The following CFAP299 variants were observed in gnomAD, a reference collection of about 807,000 sequenced individuals.
CFAP299 encodes the protein cilia and flagella associated protein 299.
CFAP299 carries 21 observed loss-of-function variants against 27.0 expected under a neutral mutation model. That is an observed-to-expected ratio of 0.78 (90% confidence interval 0.55 to 1.12). CFAP299 has a LOEUF of 1.12. CFAP299 is among the 50% of genes most tolerant of loss of function. The probability of loss-of-function intolerance (pLI) is 0.00; values close to 1 mark genes in which losing one functional copy is unlikely to be tolerated. For synonymous variants in CFAP299, 104 were observed against 98.1 expected, an observed-to-expected ratio of 1.06 and a Z score of -0.36; for missense variants, 310 against 276.6, an observed-to-expected ratio of 1.12 and a Z score of -0.86.
intron 3 of CFAP299, among the ~76,000 whole-genome samples, chr4:80,684,437 G>A (rs1720049633): frequency 6.6e-6 from 1 of 151,942 alleles, no homozygotes; most frequent in African/African-American, 2.4e-5. Context: ...CTAATTTTTT[G>A]TATTTTTTTA....
chr4:80,483,220 G>A (rs1027396), intron 2 of CFAP299, among the ~76,000 whole-genome samples: 5,438 of 152,202 alleles, frequency 0.036, 168 homozygotes, highest in African/African-American at 0.075. Flanking sequence ...CACATGCCAC[G>A]GAATGCTGGT....
At chr4:80,387,737 A>G (rs1725094641) in intron 2 of CFAP299, 1 of 1,585,544 alleles carries the variant, frequency 6.3e-7, no homozygotes, top group Admixed American at 1.7e-5. Context: ...GTGTGGCTTC[A>G]GATGTGCTGC....
chr4:80,928,134 C>T (rs1335829439), intron 4 of CFAP299, among the ~76,000 whole-genome samples: 1 of 152,118 alleles, frequency 6.6e-6, no homozygotes, highest in African/African-American at 2.4e-5. Flanking sequence ...TCTGTTTCTT[C>T]ATCATAGTTC....
chr4:80,761,644 A>G (rs778184373), intron 3 of CFAP299, among the ~76,000 whole-genome samples: 1 of 152,102 alleles, frequency 6.6e-6, no homozygotes, highest in Non-Finnish European at 1.5e-5. Context: ...GCTTTCATGT[A>G]CAATTATAAT....
chr4:80,545,505 A>G (rs780582646), intron 2 of CFAP299, among the ~76,000 whole-genome samples: 2 of 152,152 alleles, frequency 1.3e-5, no homozygotes, highest in Non-Finnish European at 2.9e-5. Context: ...CCTAGAAGAA[A>G]TTGAAGTCCT....
At chr4:80,372,847 C>G (rs900558315) in intron 2 of CFAP299, among the ~76,000 whole-genome samples, 2 of 152,096 alleles carry the variant, frequency 1.3e-5, no homozygotes, top group Admixed American at 1.3e-4. Flanking sequence ...ATGTTATTGT[C>G]TGTTTAATGA....
intron 2 of CFAP299, among the ~76,000 whole-genome samples, chr4:80,380,240 C>T (rs1037541619): frequency 1.3e-5 from 2 of 151,816 alleles, no homozygotes; most frequent in African/African-American, 4.8e-5. Flanking sequence ...ATATTTTTTC[C>T]GTCCTAGCCT....
At chr4:80,826,797 A>G (rs1367311370) in intron 3 of CFAP299, among the ~76,000 whole-genome samples, 1 of 151,908 alleles carries the variant, frequency 6.6e-6, no homozygotes, top group Non-Finnish European at 1.5e-5. Context: ...GATAGTTTAT[A>G]TATTAGTCCA....
At chr4:80,893,283 A>T (rs1734438244) in intron 4 of CFAP299, among the ~76,000 whole-genome samples, 1 of 151,804 alleles carries the variant, frequency 6.6e-6, no homozygotes, top group African/African-American at 2.4e-5. Flanking sequence ...AAAAAATAAC[A>T]TTATTAAAAT....
At chr4:80,653,976 T>C (rs79657070) in intron 3 of CFAP299, among the ~76,000 whole-genome samples, 3,097 of 152,226 alleles carry the variant, frequency 0.02, 75 homozygotes, top group South Asian at 0.062. Flanking sequence ...ATGCATATCA[T>C]GCTAATATAA....
chr4:80,557,238 C>T (rs1394291145), intron 2 of CFAP299, among the ~76,000 whole-genome samples: 1 of 151,984 alleles, frequency 6.6e-6, no homozygotes, highest in Non-Finnish European at 1.5e-5. Flanking sequence ...ATCTTATGTA[C>T]CCACCTCTTC....
chr4:80,698,342 A>G (rs150228246), intron 3 of CFAP299, among the ~76,000 whole-genome samples: 1,635 of 152,314 alleles, frequency 0.011, 23 homozygotes, highest in African/African-American at 0.037. Context: ...TTGTACCACT[A>G]CATTCCCAGA....
At chr4:80,396,920 T>C (rs781222550) in intron 2 of CFAP299, among the ~76,000 whole-genome samples, 1 of 152,220 alleles carries the variant, frequency 6.6e-6, no homozygotes, top group Non-Finnish European at 1.5e-5. Flanking sequence ...GGATTCCTCC[T>C]TTTTCTATTG....
chr4:80,858,215 C>G (rs995176164), intron 3 of CFAP299, among the ~76,000 whole-genome samples: 1 of 152,118 alleles, frequency 6.6e-6, no homozygotes, highest in Non-Finnish European at 1.5e-5. Context: ...GTAGTATTCT[C>G]TGATGGTAGT....
At chr4:80,799,646 ATATTTTATATATTATATTTT>A (rs1438909717) in intron 3 of CFAP299, among the ~76,000 whole-genome samples, 4 of 19,726 alleles carry the variant, frequency 2.0e-4, no homozygotes, top group Non-Finnish European at 2.3e-4. Flanking sequence ...TATAAAATAT[ATATTTTATATATTATATTTT>A]ATAAATATAT....
At chr4:80,786,815 C>G (rs1215458481) in intron 3 of CFAP299, among the ~76,000 whole-genome samples, 1 of 152,046 alleles carries the variant, frequency 6.6e-6, no homozygotes, top group Non-Finnish European at 1.5e-5. Context: ...CCTACCAATG[C>G]TTGAAGGGTT....
At chr4:80,892,439 G>C (rs754652831) in intron 4 of CFAP299, among the ~76,000 whole-genome samples, 2 of 152,108 alleles carry the variant, frequency 1.3e-5, no homozygotes, top group African/African-American at 2.4e-5. Context: ...CCAGGACATT[G>C]GTCTGGGCAA....
intron 3 of CFAP299, among the ~76,000 whole-genome samples, chr4:80,842,141 A>G (rs1730895494): frequency 1.3e-5 from 2 of 152,116 alleles, no homozygotes; most frequent in Admixed American, 1.3e-4. Context: ...TGGATATAAA[A>G]AGCAAATTAC....
At chr4:80,880,002 T>G (rs1164731450) in intron 4 of CFAP299, among the ~76,000 whole-genome samples, 4 of 152,212 alleles carry the variant, frequency 2.6e-5, no homozygotes, top group Non-Finnish European at 4.4e-5. Flanking sequence ...TTCTATTGTT[T>G]AAATTCCAGG....
Sources: allele counts gnomAD v4.1 joint callset (sites outside exome capture counted in the v4.1 genomes callset), GRCh38; gene constraint gnomAD v4.1.1; transcripts MANE v1.5; gene names NCBI Gene and HGNC (gene_info 2026-07-23, HGNC 2026-07-21).